The following ADCY8 variants were observed in gnomAD, a reference collection of about 807,000 sequenced individuals.
The protein encoded by ADCY8 is adenylate cyclase 8, also known as adenylate cyclase type 8.
A neutral mutation model predicts 119.7 loss-of-function variants in ADCY8; 51 were observed. The observed-to-expected ratio is 0.43, with a 90% CI of 0.34 to 0.54. ADCY8 has a LOEUF of 0.54. ADCY8 is among the 20% of genes least tolerant of loss of function. The pLI is 0.03. For missense variants in ADCY8, 1,383 were observed against 1,598.8 expected (o/e 0.87, Z 2.30); for synonymous variants, 665 against 651.0 (o/e 1.02, Z -0.33).
chr8:130,955,969 A>T (rs1374686751), intron 2 of ADCY8, among the ~76,000 whole-genome samples: 2 of 152,140 alleles, frequency 1.3e-5, no homozygotes, highest in Non-Finnish European at 2.9e-5. Flanking sequence ...ACATGTCAAG[A>T]CCTCATTGCT....
intron 7 of ADCY8, among the ~76,000 whole-genome samples, chr8:130,899,862 T>G (rs147152133): frequency 6.6e-6 from 1 of 152,240 alleles, no homozygotes; most frequent in African/African-American, 2.4e-5. Flanking sequence ...AATGTCCATG[T>G]TGATAACTCA....
intron 14 of ADCY8, among the ~76,000 whole-genome samples, chr8:130,808,487 T>C (rs1401145381): frequency 1.3e-5 from 2 of 152,216 alleles, no homozygotes; most frequent in African/African-American, 2.4e-5. Context: ...CAGATGAAGA[T>C]GCAGAGTATG....
At chr8:130,803,371 C>A (rs950597927) in intron 14 of ADCY8, among the ~76,000 whole-genome samples, 5 of 152,222 alleles carry the variant, frequency 3.3e-5, no homozygotes, top group African/African-American at 1.2e-4. Flanking sequence ...ACCTGCATTA[C>A]TGTCTTAACA....
intron 15 of ADCY8, among the ~76,000 whole-genome samples, chr8:130,786,748 A>C (rs968861842): frequency 6.6e-6 from 1 of 152,216 alleles, no homozygotes; most frequent in Non-Finnish European, 1.5e-5. Context: ...TTTTAATAGA[A>C]TTTATGTTGG....
At chr8:130,998,471 G>C (rs1465885600) in intron 1 of ADCY8, among the ~76,000 whole-genome samples, 2 of 152,126 alleles carry the variant, frequency 1.3e-5, no homozygotes, top group Non-Finnish European at 2.9e-5. Context: ...GCCTGGGGAA[G>C]AGCTTTCAGA....
In ADCY8 at chr8:130,800,539, C is replaced by T. The variant is rs1483907046; in HGVS notation, c.2947G>A (p.Val983Met). The T allele has an allele frequency of 6.2e-7, 1 of 1,614,056 alleles. No individual in the cohort carries two copies. The highest frequency in any genetic ancestry group is 1.1e-5 in the South Asian group (1 of 91,066). ...AATCCTGGGATGGAGGCAAACATCACCCCAACAGCATCATAGGATTGAGAA... is the reference window on the plus strand; with the variant it reads ...AATCCTGGGATGGAGGCAAACATCATCCCAACAGCATCATAGGATTGAGAA... Reference protein sequence around the residue: ...LYSQSYDAVGVMFASIPGFAD... With the variant: ...LYSQSYDAVGMMFASIPGFAD... The change falls in exon 15 of 18, where the codon GTG becomes ATG. Residue 983 changes from valine (V) to methionine (M), a missense_variant. Val to Met is a conservative substitution (Grantham distance 21). Transcript: ENST00000286355.
chr8:130,890,349 A>G (rs1308841709), intron 7 of ADCY8, among the ~76,000 whole-genome samples: 1 of 152,172 alleles, frequency 6.6e-6, no homozygotes, highest in African/African-American at 2.4e-5. Flanking sequence ...TTAAAGTATA[A>G]TAAAACATAA....
intron 1 of ADCY8, among the ~76,000 whole-genome samples, chr8:130,992,829 GC>G (rs34057984): frequency 0.44 from 67,316 of 151,860 alleles, 15,286 homozygotes; most frequent in East Asian, 0.79. Flanking sequence ...AGAGAATGGG[GC>G]TAAACTAATT....
In ADCY8 at chr8:130,985,607, T is replaced by A. The variant is rs147023813; in HGVS notation, c.1110+4786A>T. On this transcript the variant is annotated intron_variant, in intron 2 of 17. Coordinates refer to ENST00000286355, the MANE Select transcript of ADCY8 (RefSeq NM_001115.3). ...AGCAGAAAGAATAAAGATTCCAAGG[T>A]TCTACCACTTTTAGGTCAACCTTGA... 2.8e-3 allele frequency among the ~76,000 whole-genome samples: 420 copies of A among 152,230 alleles called. 2 individuals carry two copies. Among genetic ancestry groups the A allele is most frequent in the African/African-American group, 9.7e-3 (402 of 41,524 alleles).
chr8:130,783,393 G>A lies in ADCY8; in HGVS notation c.3268+298C>T, dbSNP rs909210970. Among the ~76,000 whole-genome samples the A allele has an allele frequency of 7.2e-5, 11 of 152,312 alleles. No homozygotes were observed. In the East Asian group the frequency reaches 1.7e-3, roughly 24 times the overall value. On this transcript the variant is annotated intron_variant, in intron 17 of 17. Coordinates refer to ENST00000286355, the MANE Select transcript of ADCY8 (RefSeq NM_001115.3). ...ATTAGTCAGCTACATCTCTATGCACGACCTTGCATGGGCAGGCAAGTTGGA... is the reference window on the plus strand; with the variant it reads ...ATTAGTCAGCTACATCTCTATGCACAACCTTGCATGGGCAGGCAAGTTGGA...
chr8:131,026,930 G>A lies in ADCY8; in HGVS notation c.960+12444C>T, dbSNP rs532534757. Among the ~76,000 whole-genome samples, 4 of 152,128 alleles carry A rather than the reference G, an allele frequency of 2.6e-5. No individual in the cohort carries two copies. The South Asian group carries it at 8.3e-4, about 32-fold the overall frequency. ...CCATTTTACAGCTGAAGAAAGTGAG[G>A]TGCAGAAAGATTGAGGCTCTTGTCA... On this transcript the variant is annotated intron_variant, in intron 1 of 17. Coordinates refer to ENST00000286355, the MANE Select transcript of ADCY8 (RefSeq NM_001115.3).
In ADCY8 at chr8:130,795,466, A is replaced by T. The variant is rs549076608; in HGVS notation, c.3060+4960T>A. Among the ~76,000 whole-genome samples, 2 of 152,374 alleles carry T rather than the reference A, an allele frequency of 1.3e-5. 1 individual carries two copies. Among genetic ancestry groups the T allele is most frequent in the Admixed American group, 1.3e-4 (2 of 15,312 alleles). On this transcript the variant is annotated intron_variant, in intron 15 of 17. Coordinates refer to ENST00000286355, the MANE Select transcript of ADCY8 (RefSeq NM_001115.3). Reference sequence around the variant, plus strand: ...ACTCGCGAAGCCGACCCTGAGTGGGAGAGTTAGGCTAAAACTCAAACCTCA... The same window carrying T: ...ACTCGCGAAGCCGACCCTGAGTGGGTGAGTTAGGCTAAAACTCAAACCTCA...
intron 4 of ADCY8, 64 bp from the exon 5 acceptor site, chr8:130,937,264 C>A: frequency 6.5e-7 from 1 of 1,543,604 alleles, no homozygotes; most frequent in Middle Eastern, 2.1e-4. Context: ...TTCAGAAAGG[C>A]TTGAGAAAGA....
intron 13 of ADCY8, among the ~76,000 whole-genome samples, chr8:130,820,483 A>G (rs927489878): frequency 3.3e-5 from 5 of 152,144 alleles, no homozygotes; most frequent in Non-Finnish European, 7.4e-5. Flanking sequence ...GGGGGTGAGA[A>G]TCTCCCCAAG....
chr8:131,008,758 C>T (rs1823204953), intron 1 of ADCY8, among the ~76,000 whole-genome samples: 2 of 152,152 alleles, frequency 1.3e-5, no homozygotes, highest in South Asian at 4.1e-4. Context: ...AAGTTTGGAA[C>T]TTCCTAGACA....
chr8:130,785,505 C>A, intron 15 of ADCY8, 30 bp from the exon 16 acceptor site: 2 of 1,548,500 alleles, frequency 1.3e-6, no homozygotes, highest in South Asian at 1.2e-5. Context: ...TGGTGTTAGC[C>A]CTGGTGTTTA....
At chr8:130,815,160 G>A (rs937927073) in intron 13 of ADCY8, among the ~76,000 whole-genome samples, 12 of 152,154 alleles carry the variant, frequency 7.9e-5, no homozygotes, top group African/African-American at 2.9e-4. Context: ...CAGCAAGCAG[G>A]TAGCCAGCCA....
intron 1 of ADCY8, among the ~76,000 whole-genome samples, chr8:131,000,962 T>A (rs1362697466): frequency 6.6e-6 from 1 of 152,080 alleles, no homozygotes; most frequent in African/African-American, 2.4e-5. Context: ...GGTCTTCAAA[T>A]GCATCGTAAA....
chr8:130,913,933 T>C (rs1162485754), intron 5 of ADCY8, among the ~76,000 whole-genome samples: 1 of 152,210 alleles, frequency 6.6e-6, no homozygotes, highest in Non-Finnish European at 1.5e-5. Flanking sequence ...TCCCTACAGA[T>C]GCTTTAATCT....
Sources: gnomAD v4.1 joint callset for allele counts (sites outside exome capture counted in the v4.1 genomes callset) on GRCh38, gnomAD v4.1.1 for gene constraint, MANE v1.5 for transcripts, NCBI Gene and HGNC (gene_info 2026-07-23, HGNC 2026-07-21) for gene names.